The following IRX5 variants were observed in gnomAD, a reference collection of about 807,000 sequenced individuals.
IRX5 encodes iroquois-class homeodomain protein IRX-5.
IRX5 carries 8 observed loss-of-function variants against 37.6 expected under a neutral mutation model. That is an observed-to-expected ratio of 0.21 (90% confidence interval 0.12 to 0.38). The LOEUF is 0.38. Ranked by LOEUF, IRX5 falls within the 10% of genes least tolerant of loss-of-function variation. The pLI is 1.00. For missense variants in IRX5, 635 were observed against 695.2 expected, an observed-to-expected ratio of 0.91 and a Z score of 0.97; for synonymous variants, 359 against 328.6, an observed-to-expected ratio of 1.09 and a Z score of -1.00.
rs754661333 is a variant in IRX5 at position 54,932,933 on chromosome 16, G to C, written c.655+30G>C. Reference sequence around the variant, plus strand: ...GTGGACATGGGAAAGGGCGTGTTGGGCGGGAGTAAAAAGGAAAAGAGAGGC... The same window carrying C: ...GTGGACATGGGAAAGGGCGTGTTGGCCGGGAGTAAAAAGGAAAAGAGAGGC... On this transcript the variant is annotated intron_variant, in intron 2 of 2. Coordinates refer to ENST00000394636, the MANE Select transcript of IRX5 (RefSeq NM_005853.6). The surrounding 1 kb of genome is among the most constrained non-coding windows in gnomAD (Gnocchi z 6.7). 6.3e-7 allele frequency: 1 copy of C among 1,591,444 alleles called. No individual in the cohort carries two copies. Among genetic ancestry groups the C allele is most frequent in the South Asian group, 1.1e-5 (1 of 88,116 alleles).
Position 54,931,076 on chromosome 16 carries a change from C to A in IRX5, c.-123C>A. Reference sequence around the variant, plus strand: ...GCGCCGCGGGCCGGAGCCCCGGAGCCGGGGCCAGAGGAGCGGCGGCCCAGG... The same window carrying A: ...GCGCCGCGGGCCGGAGCCCCGGAGCAGGGGCCAGAGGAGCGGCGGCCCAGG... On this transcript the variant is annotated 5_prime_UTR_variant, in exon 1 of 3. Transcript: ENST00000394636. The A allele has an allele frequency of 1.5e-6, 1 of 670,658 alleles. No homozygotes were observed. The highest frequency in any genetic ancestry group is 1.9e-6 in the Non-Finnish European group (1 of 532,012). 41.5% of individuals were successfully genotyped at this position (670,658 alleles called of 1,614,324 possible). A position where few individuals can be genotyped will look rare whatever the true frequency, so the allele number is the denominator to read the frequency against.
rs772696792 is a variant in IRX5, at chr16:54,933,058, G to T, written c.656-19G>T. The T allele has an allele frequency of 9.4e-6, 15 of 1,602,276 alleles. No homozygotes were observed. Among genetic ancestry groups the T allele is most frequent in the South Asian group, 8.8e-5 (8 of 90,670 alleles). On this transcript the variant is annotated intron_variant, in intron 2 of 2. Transcript: ENST00000394636. ...CCGCGCGGCCTCTGCGCCCCTGACAGCCTGGGTTTCGCCCGCAGGAGGAGC... is the reference window on the plus strand; with the variant it reads ...CCGCGCGGCCTCTGCGCCCCTGACATCCTGGGTTTCGCCCGCAGGAGGAGC...
Position 54,933,096 on chromosome 16 carries a change from G to T in IRX5, c.675G>T (p.Ala225=), listed in dbSNP as rs1338307430. Residue 225 remains alanine, a synonymous_variant, in exon 3 of 3, where the codon GCG becomes GCT. Coordinates refer to ENST00000394636, the MANE Select transcript of IRX5 (RefSeq NM_005853.6). ...GPEAGGAEQK[A]ASGCERLQGP... is the part of the protein sequence containing the mutation. Reference sequence around the variant, plus strand: ...CCGCAGGAGGAGCTGAGCAGAAGGCGGCTTCGGGCTGCGAACGGCTTCAGG... The same window carrying T: ...CCGCAGGAGGAGCTGAGCAGAAGGCTGCTTCGGGCTGCGAACGGCTTCAGG... 2 of 1,592,570 alleles carry T rather than the reference G, an allele frequency of 1.3e-6. No individual in the cohort carries two copies. Among genetic ancestry groups the T allele is most frequent in the Middle Eastern group, 2.2e-4 (1 of 4,538 alleles).
rs778657339 is a variant in IRX5 at position 54,932,851 on chromosome 16, G to A, written c.603G>A (p.Glu201=). 11 of 1,614,066 alleles carry A rather than the reference G, an allele frequency of 6.8e-6. No individual in the cohort carries two copies. In the South Asian group the frequency reaches 1.1e-4, roughly 16 times the overall value. ...EENIDLEKND[E]DEPQKPEDKG... Reference sequence around the variant, plus strand: ...ACATTGACCTGGAGAAGAACGACGAGGACGAGCCCCAGAAGCCCGAGGACA... The same window carrying A: ...ACATTGACCTGGAGAAGAACGACGAAGACGAGCCCCAGAAGCCCGAGGACA... Residue 201 remains glutamate, a synonymous_variant, in exon 2 of 3, where the codon GAG becomes GAA. Coordinates refer to ENST00000394636, the MANE Select transcript of IRX5 (RefSeq NM_005853.6). This position sits in a 1 kb window ranked among gnomAD's most constrained non-coding sequence, Gnocchi z 6.7.
At position 54,931,164 on chromosome 16, in the gene IRX5, C is replaced by G; in HGVS notation, c.-35C>G. ...AGGGCGCCGCCCGGCTCGTTGGCGG[C>G]CGCGGCGCGGCGCGCCCCATGCCCG... On this transcript the variant is annotated 5_prime_UTR_variant, in exon 1 of 3. Transcript: ENST00000394636. The G allele has an allele frequency of 7.5e-7, 1 of 1,330,468 alleles. No individual in the cohort carries two copies. The highest frequency in any genetic ancestry group is 9.6e-7 in the Non-Finnish European group (1 of 1,038,290). 82.4% of individuals were successfully genotyped at this position (1,330,468 alleles called of 1,614,324 possible).
rs1172319055 is a variant in IRX5, at chr16:54,933,230, C to G, written c.809C>G (p.Thr270Ser). 1 of 1,475,904 alleles carries G rather than the reference C, an allele frequency of 6.8e-7. No individual in the cohort carries two copies. Among genetic ancestry groups the G allele is most frequent in the Non-Finnish European group, 8.9e-7 (1 of 1,120,672 alleles). 91.4% of individuals were successfully genotyped at this position (1,475,904 alleles called of 1,614,324 possible). ...GACGCGCTGCAGGGCCCCCCCCGCA[C>G]CGGCGGGCCCTCCCCGGCTGGGCCA... ...RLDALQGPPR[T>S]GGPSPAGPAA... Residue 270 changes from threonine (T) to serine (S), a missense_variant, in exon 3 of 3, where the codon ACC (threonine) becomes AGC (serine). Transcript: ENST00000394636.
rs1277044090 is a variant in IRX5, at chr16:54,932,014, G to A, written c.250-484G>A. 1.1e-5 allele frequency: 8 copies of A among 697,742 alleles called. No homozygotes were observed. In the East Asian group the frequency reaches 1.9e-4, roughly 16 times the overall value. The allele number at this position is 697,742 out of a possible 1,614,324, so 43.2% of individuals were successfully genotyped here. ...GGGGTAGTATTTTTGGAGGGTGGGA[G>A]TGCGTGGGCATGGCTCAGCTTTTTG... is the stretch of plus-strand genomic sequence containing the variant. On this transcript the variant is annotated intron_variant, in intron 1 of 2. Transcript: ENST00000394636. This position sits in a 1 kb window ranked among gnomAD's most constrained non-coding sequence, Gnocchi z 6.7.
chr16:54,930,943 C>A lies in IRX5; in HGVS notation c.-256C>A, dbSNP rs1596760975. The A allele has an allele frequency of 6.6e-6, 1 of 152,178 alleles. No homozygotes were observed. 9.4% of individuals were successfully genotyped at this position (152,178 alleles called of 1,614,324 possible). ...AGCGAGGGGAAAAAAGAGAAAGCAGCAAGGGAGGGGAGGGGAGGGGAAAAA... is the reference window on the plus strand; with the variant it reads ...AGCGAGGGGAAAAAAGAGAAAGCAGAAAGGGAGGGGAGGGGAGGGGAAAAA... On this transcript the variant is annotated 5_prime_UTR_variant, in exon 1 of 3. Coordinates refer to ENST00000394636, the MANE Select transcript of IRX5 (RefSeq NM_005853.6).
Position 54,932,890 on chromosome 16 carries a change from G to A in IRX5, c.642G>A (p.Glu214=), listed in dbSNP as rs770342402. Residue 214 remains glutamate, a synonymous_variant, in exon 2 of 3, where the codon GAG becomes GAA. Coordinates refer to ENST00000394636, the MANE Select transcript of IRX5 (RefSeq NM_005853.6). The surrounding 1 kb of genome is among the most constrained non-coding windows in gnomAD (Gnocchi z 6.7). The part of the protein sequence containing the change: ...PQKPEDKGDP[E]GPEAGGAEQK... Reference sequence around the variant, plus strand: ...AGCCCGAGGACAAGGGCGACCCCGAGGGCCCCGAAGCAGGTTGGTGGACAT... The same window carrying A: ...AGCCCGAGGACAAGGGCGACCCCGAAGGCCCCGAAGCAGGTTGGTGGACAT... 15 of 1,610,794 alleles carry A rather than the reference G, an allele frequency of 9.3e-6. No homozygotes were observed. The South Asian group carries it at 1.5e-4, about 17-fold the overall frequency.
chr16:54,931,247 C>T lies in IRX5; in HGVS notation c.49C>T (p.Leu17Phe), dbSNP rs1370690501. Reference protein sequence around the residue: ...YLYQPSASLALYSCPAYSTSV... With the variant: ...YLYQPSASLAFYSCPAYSTSV... ...GTACCAGCCGTCCGCCTCGCTGGCG[C>T]TCTACTCGTGCCCGGCGTACAGCAC... The change falls in exon 1 of 3, where the codon CTC becomes TTC. Residue 17 changes from leucine (L) to phenylalanine (F), a missense_variant. Around this residue, in one of 5 missense-constraint regions of IRX5, gnomAD observed 145 missense variants for 152.4 expected, o/e 0.95. Coordinates refer to ENST00000394636, the MANE Select transcript of IRX5 (RefSeq NM_005853.6). 1 of 1,612,072 alleles carries T rather than the reference C, an allele frequency of 6.2e-7. No homozygotes were observed. The highest frequency in any genetic ancestry group is 8.5e-7 in the Non-Finnish European group (1 of 1,179,402).
rs1305197330 is a variant in IRX5, at chr16:54,932,896, C to T, written c.648C>T (p.Pro216=). 2.5e-6 allele frequency: 4 copies of T among 1,609,688 alleles called. No individual in the cohort carries two copies. The highest frequency in any genetic ancestry group is 1.7e-5 in the Admixed American group (1 of 59,312). The part of the protein sequence containing the change: ...KPEDKGDPEG[P]EAGGAEQKAA... ...AGGACAAGGGCGACCCCGAGGGCCC[C>T]GAAGCAGGTTGGTGGACATGGGAAA... Residue 216 remains proline (P), a synonymous_variant, in exon 2 of 3, where the codon CCC becomes CCT. Coordinates refer to ENST00000394636, the MANE Select transcript of IRX5 (RefSeq NM_005853.6). This position sits in a 1 kb window ranked among gnomAD's most constrained non-coding sequence, Gnocchi z 6.7.
chr16:54,932,343 A>T lies in IRX5; in HGVS notation c.250-155A>T. 1.2e-6 allele frequency: 1 copy of T among 830,368 alleles called. No individual in the cohort carries two copies. 51.4% of individuals were successfully genotyped at this position (830,368 alleles called of 1,614,324 possible). A position where few individuals can be genotyped will look rare whatever the true frequency, so the allele number is the denominator to read the frequency against. The stretch of plus-strand genomic sequence containing the variant: ...CTGAGGAGGGGGAGGAGTTGCTCCT[A>T]GGTCTGAACCCCGCCAGCCTTGCCC... On this transcript the variant is annotated intron_variant, in intron 1 of 2. Transcript: ENST00000394636. The surrounding 1 kb of genome is among the most constrained non-coding windows in gnomAD (Gnocchi z 6.7).
In IRX5 at chr16:54,932,123, TC is replaced by T. The variant is rs1225726159; in HGVS notation, c.250-370del. 3 of 702,630 alleles carry T rather than the reference TC, an allele frequency of 4.3e-6. No individual in the cohort carries two copies. Among genetic ancestry groups the T allele is most frequent in the Non-Finnish European group, 7.8e-6 (3 of 384,942 alleles). 43.5% of individuals were successfully genotyped at this position (702,630 alleles called of 1,614,324 possible). On this transcript the variant is annotated intron_variant, in intron 1 of 2. Transcript: ENST00000394636. This position sits in a 1 kb window ranked among gnomAD's most constrained non-coding sequence, Gnocchi z 6.7. ...CCCCTTGCGCCCAACGTGCGTCCGC[TC>T]CCCCGCCGAGCGCGGAGTCGCCTCA...
At chr16:54,931,533 C>A (rs1214931821) in intron 1 of IRX5, 86 bp downstream of exon 1, 4 of 1,410,296 alleles carry the variant, frequency 2.8e-6, no homozygotes, top group Non-Finnish European at 3.7e-6. Flanking sequence ...GCCTAGGCGC[C>A]AACACCGACC....
In IRX5 at chr16:54,933,181, G is replaced by C. The variant is rs775130737; in HGVS notation, c.760G>C (p.Glu254Gln). Residue 254 changes from glutamate to glutamine, a missense_variant, in exon 3 of 3, where the codon GAG (glutamate) becomes CAG (glutamine). Transcript: ENST00000394636. ...EGSLSDSDFKEPPSEGRLDAL... is the reference protein window; with the variant it reads ...EGSLSDSDFKQPPSEGRLDAL... Reference sequence around the variant, plus strand: ...CAGCCTCAGCGACTCGGATTTTAAGGAGCCGCCCTCGGAGGGCCGCCTCGA... The same window carrying C: ...CAGCCTCAGCGACTCGGATTTTAAGCAGCCGCCCTCGGAGGGCCGCCTCGA... 1.3e-6 allele frequency: 2 copies of C among 1,556,582 alleles called. No individual in the cohort carries two copies. The highest frequency in any genetic ancestry group is 1.4e-5 in the African/African-American group (1 of 73,742).
rs758208902 is a variant in IRX5, at chr16:54,933,945, CGA to C, written c.*83_*84del. 667 of 1,405,942 alleles carry C rather than the reference CGA, an allele frequency of 4.7e-4. No homozygotes were observed. Among genetic ancestry groups the C allele is most frequent in the South Asian group, 1.3e-3 (83 of 63,932 alleles). The allele number at this position is 1,405,942 out of a possible 1,614,324, so 87.1% of individuals were successfully genotyped here. On this transcript the variant is annotated 3_prime_UTR_variant, in exon 3 of 3. Transcript: ENST00000394636. ...GCCTTGGCAGTTATTTTTCCATCAC[CGA>C]GAGAGAGAGACAGAGAGAGAAAATA...
Position 54,933,360 on chromosome 16 carries a change from G to A in IRX5, c.939G>A (p.Gly313=). Residue 313 remains glycine, a synonymous_variant, in exon 3 of 3, where the codon GGG becomes GGA. Transcript: ENST00000394636. ...AAGEVPPGPG[G]PSVIHSPPPP... ...GCGAGGTGCCTCCGGGTCCCGGCGGGCCCTCGGTTATCCATTCGCCGCCTC... is the reference window on the plus strand; with the variant it reads ...GCGAGGTGCCTCCGGGTCCCGGCGGACCCTCGGTTATCCATTCGCCGCCTC... 2.0e-6 allele frequency: 3 copies of A among 1,511,964 alleles called. No homozygotes were observed. The highest frequency in any genetic ancestry group is 2.5e-5 in the South Asian group (2 of 80,274). 93.7% of individuals were successfully genotyped at this position (1,511,964 alleles called of 1,614,324 possible).
rs1209295297 is a variant in IRX5, at chr16:54,933,619, C to G, written c.1198C>G (p.Arg400Gly). 6.2e-7 allele frequency: 1 copy of G among 1,611,432 alleles called. No individual in the cohort carries two copies. The highest frequency in any genetic ancestry group is 1.7e-5 in the Admixed American group (1 of 59,892). The change falls in exon 3 of 3, where the codon CGG becomes GGG. Residue 400 changes from arginine (R) to glycine (G), a missense_variant. Arg to Gly is a moderately radical substitution (Grantham distance 125). Coordinates refer to ENST00000394636, the MANE Select transcript of IRX5 (RefSeq NM_005853.6). ...TTTTCCAGGCGGGACGGTGCTGTCC[C>G]GGCCTCTCTACTACACCGCGCCCTT... ...CPFPGGTVLS[R>G]PLYYTAPFYP...
chr16:54,932,180 C>T lies in IRX5; in HGVS notation c.250-318C>T. ...CCAGGCCTCTATCTGCATGGAGGGC[C>T]GGGCCGCCGTGGCCAGATCTGCGCA... On this transcript the variant is annotated intron_variant, in intron 1 of 2. Transcript: ENST00000394636. The surrounding 1 kb of genome is among the most constrained non-coding windows in gnomAD (Gnocchi z 6.7). 1.4e-6 allele frequency: 1 copy of T among 702,796 alleles called. No individual in the cohort carries two copies. 43.5% of individuals were successfully genotyped at this position (702,796 alleles called of 1,614,324 possible). A position where few individuals can be genotyped will look rare whatever the true frequency, so the allele number is the denominator to read the frequency against.
Sources: allele counts gnomAD v4.1 joint callset, GRCh38; gene constraint gnomAD v4.1.1; regional missense constraint gnomAD v4.1.1; non-coding constraint Gnocchi (gnomAD v3.1); transcripts MANE v1.5; gene names NCBI Gene and HGNC (gene_info 2026-07-23, HGNC 2026-07-21).